The following DGKH variants were observed in gnomAD, a reference collection of about 807,000 sequenced individuals.
DGKH encodes diacylglycerol kinase eta.
In DGKH, 90 loss-of-function variants were observed where a neutral mutation model predicts 159.3. That is an observed-to-expected ratio of 0.57 (90% CI 0.48 to 0.67). The LOEUF (loss-of-function observed/expected upper bound fraction) is 0.67, where lower values mean the gene tolerates loss of function less well. Ranked by LOEUF, DGKH falls within the 30% of genes least tolerant of loss-of-function variation. DGKH has a pLI of 0.00. For synonymous variants in DGKH, 536 were observed against 553.8 expected (o/e 0.97, Z 0.45); for missense variants, 1,181 against 1,506.1 (o/e 0.78, Z 3.57).
chr13:42,067,992 T>G (rs1284993597), intron 1 of DGKH, among the ~76,000 whole-genome samples: 1 of 152,118 alleles, frequency 6.6e-6, no homozygotes, highest in Admixed American at 6.6e-5. Context: ...TTTAAAAAAA[T>G]AAACACAATT....
chr13:42,113,692 G>T (rs944690134), intron 1 of DGKH, among the ~76,000 whole-genome samples: 1 of 152,208 alleles, frequency 6.6e-6, no homozygotes, highest in South Asian at 2.1e-4. Context: ...GATGGAATCA[G>T]AGCAAGATCA....
intron 7 of DGKH, among the ~76,000 whole-genome samples, chr13:42,162,050 G>T (rs4942096): frequency 0.98 from 148,620 of 152,278 alleles, 72,617 homozygotes; most frequent in East Asian, 1. Flanking sequence ...CTTTTCTCTC[G>T]TTTTTCGTGG....
At chr13:42,209,186 TCATATCA>T (rs2138197068) in intron 22 of DGKH, 114 bp downstream of exon 22, 1 of 1,359,754 alleles carries the variant, frequency 7.4e-7, no homozygotes, top group African/African-American at 1.5e-5. Flanking sequence ...GACTTTGTTG[TCATATCA>T]GTTTTTACCA....
Position 42,176,271 on chromosome 13 carries a change from A to G in DGKH, c.1453-1864A>G, listed in dbSNP as rs2138051792. On this transcript the variant is annotated intron_variant, in intron 12 of 29. Transcript: ENST00000337343. Reference sequence around the variant, plus strand: ...GAATTTATTAATAGCATTAATGATCATGTAAAATATTTTCTACCCTGCAGG... The same window carrying G: ...GAATTTATTAATAGCATTAATGATCGTGTAAAATATTTTCTACCCTGCAGG... 2.6e-5 allele frequency among the ~76,000 whole-genome samples: 4 copies of G among 152,352 alleles called. 1 individual carries two copies. The South Asian group carries it at 8.3e-4, about 32-fold the overall frequency.
At chr13:42,201,007 T>TTTATTTG (rs1566185619) in intron 20 of DGKH, among the ~76,000 whole-genome samples, 1 of 116,940 alleles carries the variant, frequency 8.6e-6, no homozygotes, top group Non-Finnish European at 2.1e-5. Flanking sequence ...TTATTTATTT[T>TTTATTTG]TTTGAGATGG....
At chr13:42,152,942 G>A (rs1375849055) in intron 3 of DGKH, among the ~76,000 whole-genome samples, 1 of 152,048 alleles carries the variant, frequency 6.6e-6, no homozygotes. Context: ...AGCATCTGGG[G>A]GTGTGTTACA....
intron 1 of DGKH, among the ~76,000 whole-genome samples, chr13:42,067,807 A>AT (rs1287239890): frequency 4.6e-5 from 7 of 152,150 alleles, no homozygotes; most frequent in African/African-American, 1.7e-4. Context: ...GATGAAACAA[A>AT]TTCTAAGAGA....
intron 1 of DGKH, among the ~76,000 whole-genome samples, chr13:42,100,390 A>G (rs1292970894): frequency 2.0e-5 from 3 of 152,182 alleles, no homozygotes; most frequent in Non-Finnish European, 4.4e-5. Flanking sequence ...ACAATGTAGT[A>G]ATAATAAAAA....
intron 11 of DGKH, among the ~76,000 whole-genome samples, chr13:42,170,597 G>A (rs2138025857): frequency 6.6e-6 from 1 of 152,134 alleles, no homozygotes; most frequent in East Asian, 1.9e-4. Context: ...ATCTTTGTTA[G>A]AAACATAGGA....
chr13:42,158,117 CT>C (rs1295287190), intron 5 of DGKH, among the ~76,000 whole-genome samples: 1 of 152,150 alleles, frequency 6.6e-6, no homozygotes, highest in African/African-American at 2.4e-5. Flanking sequence ...TGTACATAGA[CT>C]AGTCATGATA....
rs141688029 is a variant in DGKH, at chr13:42,210,744, C to T, written c.2993C>T (p.Ala998Val). 6.2e-7 allele frequency: 1 copy of T among 1,612,392 alleles called. No individual in the cohort carries two copies. Among genetic ancestry groups the T allele is most frequent in the African/African-American group, 1.3e-5 (1 of 74,866 alleles). The change falls in exon 24 of 30, where the codon GCT becomes GTT. Residue 998 changes from alanine to valine, a missense_variant. Around this residue, in one of 5 missense-constraint regions of DGKH, gnomAD observed 335 missense variants for 495.2 expected, o/e 0.68. Coordinates refer to ENST00000337343, the MANE Select transcript of DGKH (RefSeq NM_178009.5). ...EVSQMQLCSQ[A>V]AEELITRICD... is the part of the protein sequence containing the mutation. ...TCGCAGATGCAGCTATGCTCCCAGG[C>T]TGCAGAGGAGCTCATTACTAGGTAG...
intron 7 of DGKH, among the ~76,000 whole-genome samples, chr13:42,163,314 A>C (rs995531974): frequency 1.3e-5 from 2 of 152,130 alleles, no homozygotes; most frequent in African/African-American, 4.8e-5. Context: ...ATAGTGCCGC[A>C]ATAAACATAC....
At chr13:42,197,530 T>C (rs1957232109) in intron 17 of DGKH, among the ~76,000 whole-genome samples, 1 of 152,018 alleles carries the variant, frequency 6.6e-6, no homozygotes, top group Non-Finnish European at 1.5e-5. Context: ...AGCATAGTGC[T>C]GAGGAAAGGA....
chr13:42,166,234 C>A (rs1007428470), intron 8 of DGKH, among the ~76,000 whole-genome samples: 1 of 152,018 alleles, frequency 6.6e-6, no homozygotes, highest in African/African-American at 2.4e-5. Context: ...AGCCCTCTCC[C>A]CCAACCTAAG....
At chr13:42,208,256 A>C (rs1398320312) in intron 21 of DGKH, among the ~76,000 whole-genome samples, 1 of 152,176 alleles carries the variant, frequency 6.6e-6, no homozygotes, top group Admixed American at 6.5e-5. Context: ...AAATTGTTTC[A>C]GATGCATATT....
At chr13:42,170,567 A>G (rs1213440986) in intron 11 of DGKH, among the ~76,000 whole-genome samples, 1 of 152,170 alleles carries the variant, frequency 6.6e-6, no homozygotes, top group East Asian at 1.9e-4. Flanking sequence ...CAAAAATCAA[A>G]GTGGATTCAG....
intron 1 of DGKH, among the ~76,000 whole-genome samples, chr13:42,054,386 A>G (rs1173039673): frequency 2.6e-5 from 4 of 152,238 alleles, no homozygotes; most frequent in Admixed American, 6.5e-5. Context: ...CTGAAACTCA[A>G]TATGAAATGA....
intron 17 of DGKH, among the ~76,000 whole-genome samples, chr13:42,196,372 A>G (rs1957203916): frequency 6.6e-6 from 1 of 152,222 alleles, no homozygotes; most frequent in Non-Finnish European, 1.5e-5. Context: ...CAGCATTCAC[A>G]ATAGCCCCAA....
At chr13:42,201,559 T>C (rs1207758776) in intron 20 of DGKH, among the ~76,000 whole-genome samples, 1 of 152,228 alleles carries the variant, frequency 6.6e-6, no homozygotes, top group Non-Finnish European at 1.5e-5. Flanking sequence ...TTCCAAATTT[T>C]GAACAAGATA....
Sources: gnomAD v4.1 joint callset for allele counts (sites outside exome capture counted in the v4.1 genomes callset) on GRCh38, gnomAD v4.1.1 for gene constraint, gnomAD v4.1.1 regional missense constraint, MANE v1.5 for transcripts, NCBI Gene and HGNC (gene_info 2026-07-23, HGNC 2026-07-21) for gene names.